The following VWDE variants were observed in gnomAD, a reference collection of about 807,000 sequenced individuals.
VWDE encodes the protein von Willebrand factor D and EGF domain-containing protein.
VWDE carries 207 observed loss-of-function variants against 178.4 expected under a neutral mutation model. The observed-to-expected ratio is 1.16, with a 90% CI of 1.04 to 1.30. VWDE has a LOEUF of 1.30. Ranked by LOEUF, VWDE falls within the 50% of genes most tolerant of loss-of-function variation. The pLI is 0.00. For missense variants in VWDE, 2,287 were observed against 1,901.3 expected, an observed-to-expected ratio of 1.20 and a Z score of -3.77; for synonymous variants, 738 against 651.4, an observed-to-expected ratio of 1.13 and a Z score of -2.02.
chr7:12,393,296 C>T (rs1784470782), intron 2 of VWDE, among the ~76,000 whole-genome samples: 1 of 152,062 alleles, frequency 6.6e-6, no homozygotes, highest in South Asian at 2.1e-4. Flanking sequence ...GAGCACTATG[C>T]CTAAGAATAT....
intron 7 of VWDE, among the ~76,000 whole-genome samples, chr7:12,376,289 A>G (rs1278178357): frequency 6.6e-6 from 1 of 150,384 alleles, no homozygotes; most frequent in African/African-American, 2.5e-5. Context: ...CTGTTTAGAA[A>G]TACACTCAGA....
rs1178408252 is a variant in VWDE at position 12,337,056 on chromosome 7, C to A, written c.4490G>T (p.Gly1497Val). The change falls in exon 26 of 29, where the codon GGA becomes GTA. Residue 1497 changes from glycine to valine, a missense_variant. By Grantham distance (109) the Gly-to-Val change is moderately radical (BLOSUM62 -3). Transcript: ENST00000275358. ...KSICDPTCMN[G>V]GKCVGPSTCS... ...AGTGCTTGGTCCCACACATTTTCCT[C>A]CATTCATGCACGTAGGATCACAGAT... 13 of 1,551,614 alleles carry A rather than the reference C, an allele frequency of 8.4e-6. No individual in the cohort carries two copies. The highest frequency in any genetic ancestry group is 1.1e-5 in the Non-Finnish European group (13 of 1,146,930).
At position 12,373,028 on chromosome 7, in the gene VWDE, A is replaced by T. The variant is rs111840688; in HGVS notation, c.1536T>A (p.Asp512Glu). 1.9e-5 allele frequency: 29 copies of T among 1,551,226 alleles called. No individual in the cohort carries two copies. In the African/African-American group the frequency reaches 1.9e-4, roughly 10 times the overall value. Residue 512 changes from aspartate (D) to glutamate (E), a missense_variant, in exon 10 of 29, where the codon GAT (aspartate) becomes GAA (glutamate). Asp to Glu is a conservative substitution (Grantham distance 45, BLOSUM62 2). Coordinates refer to ENST00000275358, the MANE Select transcript of VWDE (RefSeq NM_001135924.3). ...SQPYLFIKSQ[D>E]VTRNIKISES... ...CACTTATCTTGATATTCCTGGTTACATCTTGGCTTTTTATGAACAAATATG... is the reference window on the plus strand; with the variant it reads ...CACTTATCTTGATATTCCTGGTTACTTCTTGGCTTTTTATGAACAAATATG...
intron 1 of VWDE, among the ~76,000 whole-genome samples, chr7:12,397,622 A>C (rs1421710839): frequency 6.6e-6 from 1 of 152,228 alleles, no homozygotes; most frequent in South Asian, 2.1e-4. Context: ...CAATAGAGTA[A>C]ACAGACAACC....
intron 19 of VWDE, among the ~76,000 whole-genome samples, chr7:12,349,807 C>T (rs1160592697): frequency 1.3e-5 from 2 of 151,984 alleles, no homozygotes; most frequent in East Asian, 1.9e-4. Context: ...AAAGATACAA[C>T]TAAACAACTT....
rs2128555636 is a variant in VWDE, at chr7:12,370,373, C to T, written c.1933G>A (p.Glu645Lys). Residue 645 changes from glutamate to lysine, a missense_variant, in exon 12 of 29, where the codon GAA becomes AAA. By Grantham distance (56) the Glu-to-Lys change is moderately conservative. Transcript: ENST00000275358. ...AGGTCTTTGCAACCCAAGGCAATTTCTGATCGAGAAACACTGTCCAGATCT... is the reference window on the plus strand; with the variant it reads ...AGGTCTTTGCAACCCAAGGCAATTTTTGATCGAGAAACACTGTCCAGATCT... ...SEDLDSVSRS[E>K]IALGCKDLNH... 1 of 1,550,864 alleles carries T rather than the reference C, an allele frequency of 6.4e-7. No homozygotes were observed. The highest frequency in any genetic ancestry group is 2.4e-5 in the East Asian group (1 of 40,910).
Position 12,370,731 on chromosome 7 carries a change from T to G in VWDE, c.1721A>C (p.Asn574Thr). The part of the protein sequence containing the change: ...LCGTFDENPE[N>T]DFHDKNGMQI... ...CATCCCATTTTTGTCATGGAAATCA[T>G]TTTCCGGATTTTCATCAAAGGTTCC... The change falls in exon 11 of 29, where the codon AAT becomes ACT. Residue 574 changes from asparagine to threonine, a missense_variant. Coordinates refer to ENST00000275358, the MANE Select transcript of VWDE (RefSeq NM_001135924.3). 6.4e-7 allele frequency: 1 copy of G among 1,551,200 alleles called. No individual in the cohort carries two copies. Among genetic ancestry groups the G allele is most frequent in the Non-Finnish European group, 8.7e-7 (1 of 1,146,680 alleles).
At position 12,403,644 on chromosome 7, in the gene VWDE, C is replaced by CTTA; in HGVS notation, c.58+14_58+15insTAA. The CTTA allele has an allele frequency of 6.5e-7, 1 of 1,539,086 alleles. No homozygotes were observed. The highest frequency in any genetic ancestry group is 8.7e-7 in the Non-Finnish European group (1 of 1,144,622). ...GCCACTGCGCGCCCACCCCCGCGCG[C>CTTA]CCTACCTCGCTTACCTTCCCCCCAG... On this transcript the variant is annotated intron_variant, in intron 1 of 28. Coordinates refer to ENST00000275358, the MANE Select transcript of VWDE (RefSeq NM_001135924.3).
chr7:12,399,129 G>A (rs1784760772), intron 1 of VWDE, among the ~76,000 whole-genome samples: 2 of 152,128 alleles, frequency 1.3e-5, no homozygotes, highest in Admixed American at 6.5e-5. Context: ...GGAAAATAGA[G>A]TGACTAGTTT....
At chr7:12,357,646 ATTT>A in intron 16 of VWDE, 131 bp from the exon 17 acceptor site, 1 of 846,350 alleles carries the variant, frequency 1.2e-6, no homozygotes, top group Non-Finnish European at 1.6e-6. Flanking sequence ...AGCTGCTTTC[ATTT>A]TTTTTTTTAA....
chr7:12,353,072 T>C (rs1487250711), intron 18 of VWDE, among the ~76,000 whole-genome samples: 1 of 152,228 alleles, frequency 6.6e-6, no homozygotes, highest in African/African-American at 2.4e-5. Flanking sequence ...AAACTTGTTC[T>C]TCCATTACGT....
chr7:12,358,816 T>C (rs1053540756), intron 16 of VWDE, among the ~76,000 whole-genome samples: 1 of 152,230 alleles, frequency 6.6e-6, no homozygotes, highest in African/African-American at 2.4e-5. Flanking sequence ...TCTCTTGCAC[T>C]ACATTTTTCC....
intron 19 of VWDE, among the ~76,000 whole-genome samples, chr7:12,349,923 A>G (rs1342828578): frequency 1.3e-5 from 2 of 152,088 alleles, no homozygotes; most frequent in African/African-American, 2.4e-5. Flanking sequence ...AATGTGACAA[A>G]TGATTTTCTG....
chr7:12,345,512 T>C (rs1249579956), intron 19 of VWDE, among the ~76,000 whole-genome samples: 3 of 152,118 alleles, frequency 2.0e-5, no homozygotes. Flanking sequence ...CAAGGTGATA[T>C]TTTGGTTGAT....
rs139805903 is a variant in VWDE, at chr7:12,400,699, C to T, written c.58+2960G>A. On this transcript the variant is annotated intron_variant, in intron 1 of 28. Coordinates refer to ENST00000275358, the MANE Select transcript of VWDE (RefSeq NM_001135924.3). ...ATGGAACACTTTCCACCTCATTGTA[C>T]GAGCCCGGTATTATAGCCCATTATC... 1.1e-3 allele frequency among the ~76,000 whole-genome samples: 164 copies of T among 152,066 alleles called. No individual in the cohort carries two copies. In the East Asian group the frequency reaches 0.025, roughly 23 times the overall value.
intron 18 of VWDE, among the ~76,000 whole-genome samples, chr7:12,352,867 T>C (rs942559612): frequency 2.0e-5 from 3 of 152,214 alleles, no homozygotes; most frequent in African/African-American, 7.2e-5. Context: ...TCTTTTAAAA[T>C]GTTGATGCCC....
chr7:12,339,148 C>G (rs147080010), intron 24 of VWDE, among the ~76,000 whole-genome samples: 3 of 152,116 alleles, frequency 2.0e-5, no homozygotes, highest in African/African-American at 7.2e-5. Context: ...ACTCTCTCCC[C>G]ACAATGATAA....
intron 2 of VWDE, among the ~76,000 whole-genome samples, chr7:12,389,720 A>G (rs1167040013): frequency 6.6e-6 from 1 of 152,262 alleles, no homozygotes; most frequent in African/African-American, 2.4e-5. Context: ...ACATAACACA[A>G]AGATAAACTG....
At chr7:12,368,894 T>C (rs1277892689) in intron 12 of VWDE, among the ~76,000 whole-genome samples, 1 of 151,968 alleles carries the variant, frequency 6.6e-6, no homozygotes, top group Non-Finnish European at 1.5e-5. Context: ...CAGGCAAAAA[T>C]GACTACAAGT....
Sources: allele counts gnomAD v4.1 joint callset (sites outside exome capture counted in the v4.1 genomes callset), GRCh38; gene constraint gnomAD v4.1.1; transcripts MANE v1.5; gene names NCBI Gene and HGNC (gene_info 2026-07-23, HGNC 2026-07-21).